The following TMEM182 variants were observed in gnomAD, a reference collection of about 807,000 sequenced individuals.
TMEM182 encodes transmembrane protein 182.
TMEM182 carries 20 observed loss-of-function variants against 26.8 expected under a neutral mutation model. The observed-to-expected ratio is 0.75, with a 90% CI of 0.53 to 1.09. The LOEUF is 1.09. Among genes scored for constraint, TMEM182 ranks in the 50% least tolerant of loss-of-function variants. TMEM182 has a pLI of 0.00. For synonymous variants in TMEM182, 109 were observed against 102.2 expected (o/e 1.07, Z -0.40); for missense variants, 277 against 275.5 (o/e 1.01, Z -0.04).
At chr2:102,800,732 G>T (rs751096496) in intron 4 of TMEM182, among the ~76,000 whole-genome samples, 1 of 150,470 alleles carries the variant, frequency 6.6e-6, no homozygotes, top group Admixed American at 6.6e-5. Flanking sequence ...ATGTATTATG[G>T]GCAGCATGAT....
intron 1 of TMEM182, among the ~76,000 whole-genome samples, chr2:102,740,510 G>C (rs568971511): frequency 6.6e-6 from 1 of 152,170 alleles, no homozygotes; most frequent in Admixed American, 6.5e-5. Context: ...TGAACTGTGA[G>C]TCAATTAAAC....
At position 102,817,664 on chromosome 2, in the gene TMEM182, G is replaced by T. The variant is rs2104763725; in HGVS notation, c.*2696G>T. ...TTGAAGATTAAATGGAATTATAAAGGAATATATTGGAGGAAGTGTCAGTGT... is the reference window on the plus strand; with the variant it reads ...TTGAAGATTAAATGGAATTATAAAGTAATATATTGGAGGAAGTGTCAGTGT... On this transcript the variant is annotated 3_prime_UTR_variant, in exon 5 of 5. Transcript: ENST00000412401. The T allele has an allele frequency of 1.0e-6, 1 of 981,666 alleles. No individual in the cohort carries two copies. The highest frequency in any genetic ancestry group is 4.7e-5 in the South Asian group (1 of 21,196). 60.8% of individuals were successfully genotyped at this position (981,666 alleles called of 1,614,324 possible).
chr2:102,802,594 C>T (rs1370927149), intron 4 of TMEM182, among the ~76,000 whole-genome samples: 2 of 152,204 alleles, frequency 1.3e-5, no homozygotes, highest in East Asian at 3.9e-4. Flanking sequence ...CGCATCTCCT[C>T]CTGCCCCGTG....
intron 1 of TMEM182, among the ~76,000 whole-genome samples, chr2:102,742,607 T>C (rs1171352748): frequency 6.6e-6 from 1 of 151,932 alleles, no homozygotes; most frequent in African/African-American, 2.4e-5. Flanking sequence ...TACCAAAAAA[T>C]CTCCTCTGAG....
rs564391208 is a variant in TMEM182 at position 102,806,021 on chromosome 2, T to C, written c.469+8021T>C. On this transcript the variant is annotated intron_variant, in intron 4 of 4. Transcript: ENST00000412401. ...TCCTTTTTCAAAATATGTGTCTCATTACTATCTACTATTTACTCAGTACTA... is the reference window on the plus strand; with the variant it reads ...TCCTTTTTCAAAATATGTGTCTCATCACTATCTACTATTTACTCAGTACTA... 9.2e-5 allele frequency among the ~76,000 whole-genome samples: 14 copies of C among 152,348 alleles called. No individual in the cohort carries two copies. In the East Asian group the frequency reaches 2.3e-3, roughly 25 times the overall value.
chr2:102,802,098 T>A (rs1682164934), intron 4 of TMEM182, among the ~76,000 whole-genome samples: 1 of 152,098 alleles, frequency 6.6e-6, no homozygotes, highest in Non-Finnish European at 1.5e-5. Flanking sequence ...TTGCGGTGGC[T>A]GCTTTATCGA....
chr2:102,811,692 A>G (rs1682560498), intron 4 of TMEM182, among the ~76,000 whole-genome samples: 1 of 152,206 alleles, frequency 6.6e-6, no homozygotes, highest in Non-Finnish European at 1.5e-5. Flanking sequence ...TTCAATGGGA[A>G]ATAATGTACC....
intron 4 of TMEM182, among the ~76,000 whole-genome samples, chr2:102,803,318 G>T (rs757658068): frequency 1.1e-4 from 17 of 152,214 alleles, no homozygotes; most frequent in Non-Finnish European, 2.4e-4. Context: ...GCGGCAAAAT[G>T]CCTGAAGCAC....
At chr2:102,755,635 T>C (rs888627684) in intron 1 of TMEM182, among the ~76,000 whole-genome samples, 1 of 152,172 alleles carries the variant, frequency 6.6e-6, no homozygotes, top group Non-Finnish European at 1.5e-5. Flanking sequence ...GTCTTTAAGA[T>C]GAAAAATAAC....
In TMEM182 at chr2:102,812,863, C is replaced by T. The variant is rs577199579; in HGVS notation, c.470-1885C>T. On this transcript the variant is annotated intron_variant, in intron 4 of 4. Coordinates refer to ENST00000412401, the MANE Select transcript of TMEM182 (RefSeq NM_144632.5). The stretch of plus-strand genomic sequence containing the variant: ...ATATTATGCAAATGCCTAAGCCAAA[C>T]CTTTACATCAACAGGCAACACTGTC... Among the ~76,000 whole-genome samples the T allele has an allele frequency of 9.8e-5, 15 of 152,328 alleles. No homozygotes were observed. In the South Asian group the frequency reaches 2.9e-3, roughly 29 times the overall value.
Position 102,737,015 on chromosome 2 carries a change from T to C in TMEM182, c.-83+2T>C. On this transcript the variant is annotated splice_donor_variant, in intron 1 of 5. Transcript: ENST00000409173. LOFTEE classifies it low-confidence loss of function (5UTR_SPLICE). Reference sequence around the variant, plus strand: ...GGGACTGGGCACATCATCAATACGGTAAGCACACACCAGTTTGTGATGATA... The same window carrying C: ...GGGACTGGGCACATCATCAATACGGCAAGCACACACCAGTTTGTGATGATA... 1 of 574,228 alleles carries C rather than the reference T, an allele frequency of 1.7e-6. No homozygotes were observed. The highest frequency in any genetic ancestry group is 3.0e-6 in the Non-Finnish European group (1 of 330,384). The allele number at this position is 574,228 out of a possible 1,614,324, so 35.6% of individuals were successfully genotyped here. A position where few individuals can be genotyped will look rare whatever the true frequency, so the allele number is the denominator to read the frequency against.
chr2:102,794,021 G>A (rs1681761124), intron 3 of TMEM182, among the ~76,000 whole-genome samples: 1 of 152,080 alleles, frequency 6.6e-6, no homozygotes, highest in East Asian at 1.9e-4. Context: ...AGTGAGCTGT[G>A]ATTACATGAC....
chr2:102,766,071 C>G (rs577840409), intron 3 of TMEM182, among the ~76,000 whole-genome samples: 2 of 152,216 alleles, frequency 1.3e-5, no homozygotes, highest in Admixed American at 6.5e-5. Context: ...GTTGGCTTTC[C>G]AGAACATTAG....
At chr2:102,792,858 A>G (rs918582380) in intron 3 of TMEM182, among the ~76,000 whole-genome samples, 2 of 152,164 alleles carry the variant, frequency 1.3e-5, no homozygotes, top group African/African-American at 2.4e-5. Flanking sequence ...TGCTAGATCA[A>G]ATGAAAGGGC....
chr2:102,829,433 C>T (rs887473777), intron 3 of TMEM182, among the ~76,000 whole-genome samples: 5 of 152,334 alleles, frequency 3.3e-5, no homozygotes, highest in Admixed American at 2.6e-4. Flanking sequence ...CAGTCAGGTT[C>T]TTCTCCCTCT....
chr2:102,757,148 A>C (rs1267605122), upstream of TMEM182, among the ~76,000 whole-genome samples: 4 of 152,108 alleles, frequency 2.6e-5, no homozygotes, highest in Non-Finnish European at 5.9e-5. Flanking sequence ...GGGAGAGTAG[A>C]GTATCTACAT....
intron 3 of TMEM182, among the ~76,000 whole-genome samples, chr2:102,790,704 T>A (rs1287557797): frequency 6.6e-6 from 1 of 152,210 alleles, no homozygotes; most frequent in East Asian, 1.9e-4. Flanking sequence ...TACTGCCTAC[T>A]CACATCACTT....
At chr2:102,793,673 G>A (rs1157278468) in intron 3 of TMEM182, among the ~76,000 whole-genome samples, 1 of 152,152 alleles carries the variant, frequency 6.6e-6, no homozygotes, top group Non-Finnish European at 1.5e-5. Flanking sequence ...TACAATGCAA[G>A]TACTAGGTAA....
At chr2:102,818,266 T>A (rs905521999), downstream of TMEM182, among the ~76,000 whole-genome samples, 10 of 152,164 alleles carry the variant, frequency 6.6e-5, no homozygotes, top group Non-Finnish European at 1.2e-4. Context: ...TCCTCAGTGA[T>A]GATCAAGGGT....
Sources: allele counts gnomAD v4.1 joint callset (sites outside exome capture counted in the v4.1 genomes callset), GRCh38; gene constraint gnomAD v4.1.1; transcripts MANE v1.5; gene names NCBI Gene and HGNC (gene_info 2026-07-23, HGNC 2026-07-21).